DRAM1: variants seen among roughly 807,000 people sequenced by gnomAD.
DRAM1 encodes DNA damage regulated autophagy modulator 1.
A neutral mutation model predicts 28.5 loss-of-function variants in DRAM1; 25 were observed. The observed-to-expected ratio is 0.88, with a 90% CI of 0.64 to 1.23. The LOEUF is 1.23. Ranked by LOEUF, DRAM1 falls within the 50% of genes most tolerant of loss-of-function variation. The pLI, the probability that DRAM1 is intolerant of heterozygous loss-of-function variation, is 0.00. For missense variants in DRAM1, 249 were observed against 299.2 expected (o/e 0.83, Z 1.24); for synonymous variants, 113 against 114.2 (o/e 0.99, Z 0.07).
intron 5 of DRAM1, among the ~76,000 whole-genome samples, chr12:101,917,402 T>G (rs1594313756): frequency 6.6e-6 from 1 of 152,104 alleles, no homozygotes; most frequent in African/African-American, 2.4e-5. Flanking sequence ...AAAAAGTGCT[T>G]CTTGGCCGGG....
chr12:101,900,813 A>C (rs1873572412), intron 2 of DRAM1, among the ~76,000 whole-genome samples: 1 of 152,174 alleles, frequency 6.6e-6, no homozygotes, highest in African/African-American at 2.4e-5. Context: ...CAGAAACCCA[A>C]AGATTTATAT....
chr12:101,890,900 G>A (rs1407420844), intron 1 of DRAM1, among the ~76,000 whole-genome samples: 3 of 151,896 alleles, frequency 2.0e-5, no homozygotes, highest in South Asian at 2.1e-4. Flanking sequence ...ACAGGCGCCC[G>A]CCACCACGCC....
At chr12:101,916,648 T>C (rs1874254410) in intron 5 of DRAM1, among the ~76,000 whole-genome samples, 1 of 152,078 alleles carries the variant, frequency 6.6e-6, no homozygotes, top group African/African-American at 2.4e-5. Flanking sequence ...AGAGAGTTAG[T>C]GAGAGACAGA....
intron 1 of DRAM1, among the ~76,000 whole-genome samples, chr12:101,895,554 G>C (rs1355685243): frequency 2.1e-5 from 3 of 141,162 alleles, no homozygotes; most frequent in Non-Finnish European, 3.0e-5. Context: ...GGCATTTGCT[G>C]TAAGGGAGGC....
Position 101,908,347 on chromosome 12 carries a change from C to G in DRAM1, c.504C>G (p.Cys168Trp), listed in dbSNP as rs201328131. 1.9e-6 allele frequency: 3 copies of G among 1,609,962 alleles called. No homozygotes were observed. The highest frequency in any genetic ancestry group is 2.5e-6 in the Non-Finnish European group (3 of 1,178,798). ...HIRMVISAVS[C>W]AAVIPMIVCA... ...GGATGGTCATCTCTGCCGTTTCTTG[C>G]GCAGCTGTCATCCCCAGTATCCTTT... Residue 168 changes from cysteine to tryptophan, a missense_variant, in exon 4 of 7, where the codon TGC becomes TGG. Physicochemically the swap from Cys to Trp is radical, Grantham distance 215. Coordinates refer to ENST00000258534, the MANE Select transcript of DRAM1 (RefSeq NM_018370.3).
chr12:101,889,192 T>G (rs1873003146), intron 1 of DRAM1, among the ~76,000 whole-genome samples: 1 of 152,164 alleles, frequency 6.6e-6, no homozygotes, highest in Non-Finnish European at 1.5e-5. Flanking sequence ...GAAGAGTTGT[T>G]GTGAGCCAAG....
intron 5 of DRAM1, among the ~76,000 whole-genome samples, chr12:101,916,476 G>A (rs1036516106): frequency 6.6e-6 from 1 of 152,176 alleles, no homozygotes; most frequent in Non-Finnish European, 1.5e-5. Context: ...AGAGTGTAGG[G>A]TAGAGTTGTT....
At chr12:101,895,192 T>G (rs1474361249) in intron 1 of DRAM1, among the ~76,000 whole-genome samples, 1 of 124,080 alleles carries the variant, frequency 8.1e-6, no homozygotes, top group East Asian at 2.2e-4. Context: ...TCAGGTTTTT[T>G]TTTTTTTTTT....
intron 1 of DRAM1, among the ~76,000 whole-genome samples, chr12:101,884,785 A>G (rs1470183999): frequency 6.6e-6 from 1 of 152,246 alleles, no homozygotes; most frequent in Non-Finnish European, 1.5e-5. Flanking sequence ...AATGAAGTAA[A>G]AGAAGTTTGG....
At chr12:101,908,900 A>G (rs1873928339) in intron 4 of DRAM1, among the ~76,000 whole-genome samples, 2 of 151,060 alleles carry the variant, frequency 1.3e-5, no homozygotes, top group Admixed American at 6.6e-5. Flanking sequence ...AACCAAAAAA[A>G]AAAAAAAAAA....
At chr12:101,919,298 A>G (rs1257673251) in intron 5 of DRAM1, among the ~76,000 whole-genome samples, 1 of 138,650 alleles carries the variant, frequency 7.2e-6, no homozygotes, top group African/African-American at 3.2e-5. Context: ...ACACACACAC[A>G]CACACACGGT....
intron 4 of DRAM1, among the ~76,000 whole-genome samples, chr12:101,909,261 C>CAAAAAAAAAA (rs367840267): frequency 0.013 from 1,869 of 141,384 alleles, 60 homozygotes; most frequent in African/African-American, 0.047. Context: ...AACTCCGTCT[C>CAAAAAAAAAA]AAAAAAAAAA....
intron 1 of DRAM1, among the ~76,000 whole-genome samples, chr12:101,883,439 T>C (rs566218570): frequency 6.6e-6 from 1 of 151,074 alleles, no homozygotes; most frequent in African/African-American, 2.4e-5. Context: ...CTCAGCCTCC[T>C]GATAGCTGGG....
At chr12:101,901,076 GGGGT>G (rs1196275717) in intron 2 of DRAM1, among the ~76,000 whole-genome samples, 2 of 103,818 alleles carry the variant, frequency 1.9e-5, no homozygotes, top group Admixed American at 2.4e-4. Context: ...CAACAGCCAA[GGGGT>G]GTGTGTGTGT....
rs932787025 is a variant in DRAM1, at chr12:101,877,761, A to G, written c.-29A>G. ...CCCGGCGCCCGGCCCCGCTGGGCGC[A>G]GCACTCCGTCGGCGGCGGCGGCGGC... On this transcript the variant is annotated 5_prime_UTR_variant, in exon 1 of 7. Coordinates refer to ENST00000258534, the MANE Select transcript of DRAM1 (RefSeq NM_018370.3). The surrounding 1 kb of genome is among the most constrained non-coding windows in gnomAD (Gnocchi z 4.1). The G allele has an allele frequency of 8.9e-6, 13 of 1,466,406 alleles. No homozygotes were observed. The highest frequency in any genetic ancestry group is 1.3e-5 in the South Asian group (1 of 75,300). 90.8% of individuals were successfully genotyped at this position (1,466,406 alleles called of 1,614,324 possible).
chr12:101,888,714 C>T (rs938730149), intron 1 of DRAM1, among the ~76,000 whole-genome samples: 2 of 150,062 alleles, frequency 1.3e-5, no homozygotes, highest in African/African-American at 2.5e-5. Flanking sequence ...TCTATTTTTC[C>T]TTTTAAAAGG....
chr12:101,920,181 A>T lies in DRAM1; in HGVS notation c.652A>T (p.Thr218Ser). Residue 218 changes from threonine to serine, a missense_variant, in exon 6 of 7, where the codon ACT becomes TCT. This residue lies in a region of DRAM1 where 15 missense variants were observed against 39.9 expected (regional missense o/e 0.38). Transcript: ENST00000258534. ...VAFGFIFYFLTFIQDFQSVTL... is the reference protein window; with the variant it reads ...VAFGFIFYFLSFIQDFQSVTL... ...CTTTGGTTTTATTTTCTACTTCCTA[A>T]CTTTCATCCAAGATTTCCAGGTAGG... The T allele has an allele frequency of 6.2e-7, 1 of 1,610,864 alleles. No homozygotes were observed. The highest frequency in any genetic ancestry group is 1.1e-5 in the South Asian group (1 of 90,186).
At chr12:101,895,054 A>G (rs1028648913) in intron 1 of DRAM1, among the ~76,000 whole-genome samples, 3 of 151,704 alleles carry the variant, frequency 2.0e-5, no homozygotes, top group African/African-American at 7.3e-5. Flanking sequence ...TTTCCCCATT[A>G]CTGGTTCCCA....
chr12:101,897,986 T>C, intron 2 of DRAM1, 56 bp downstream of exon 2: 1 of 1,013,276 alleles, frequency 9.9e-7, no homozygotes, highest in Non-Finnish European at 1.5e-6. Context: ...CCAAGTGAAG[T>C]TGATGTGTCA....
Sources: allele counts gnomAD v4.1 joint callset (sites outside exome capture counted in the v4.1 genomes callset), GRCh38; gene constraint gnomAD v4.1.1; regional missense constraint gnomAD v4.1.1; non-coding constraint Gnocchi (gnomAD v3.1); transcripts MANE v1.5; gene names NCBI Gene and HGNC (gene_info 2026-07-23, HGNC 2026-07-21).